Variants in FSTL4 observed in about 807,000 individuals in gnomAD.
FSTL4 encodes follistatin like 4, also known as follistatin-related protein 4.
FSTL4 carries 28 observed loss-of-function variants against 78.2 expected under a neutral mutation model. The ratio of observed to expected loss-of-function variants is 0.36; its 90% confidence interval spans 0.27 to 0.49. The LOEUF (loss-of-function observed/expected upper bound fraction) is 0.49. FSTL4 is among the 20% of genes least tolerant of loss of function. The pLI, the probability that FSTL4 is intolerant of heterozygous loss-of-function variation, is 0.98. For synonymous variants in FSTL4, 422 were observed against 440.5 expected (o/e 0.96, Z 0.53); for missense variants, 922 against 1,084.9 (o/e 0.85, Z 2.11).
At chr5:133,319,498 G>A (rs964994592) in intron 4 of FSTL4, among the ~76,000 whole-genome samples, 1 of 152,206 alleles carries the variant, frequency 6.6e-6, no homozygotes, top group African/African-American at 2.4e-5. Context: ...GGAAGAGCAG[G>A]CCAGGAGCAG....
At position 133,233,524 on chromosome 5, in the gene FSTL4, T is replaced by C. The variant is rs1751562097; in HGVS notation, c.908A>G (p.Asp303Gly). 6.2e-7 allele frequency: 1 copy of C among 1,613,850 alleles called. No individual in the cohort carries two copies. The highest frequency in any genetic ancestry group is 1.3e-5 in the African/African-American group (1 of 74,882). The change falls in exon 8 of 16, where the codon GAT (aspartate) becomes GGT (glycine). Residue 303 changes from aspartate (D) to glycine (G), a missense_variant. Physicochemically the swap from Asp to Gly is moderately conservative, Grantham distance 94. Transcript: ENST00000265342. The stretch of plus-strand genomic sequence containing the variant: ...CACCTTGGTGATGTACAGGGAATCA[T>C]CCTCTCCAAAGTCCTGCACAGGGCA... ...DLEDINDFGE[D>G]DSLYITKVTT...
intron 3 of FSTL4, among the ~76,000 whole-genome samples, chr5:133,528,616 A>T (rs1759185826): frequency 6.6e-6 from 1 of 151,898 alleles, no homozygotes; most frequent in African/African-American, 2.4e-5. Context: ...CTCCTCTGTG[A>T]ACACTTTTTG....
chr5:133,620,184 C>T, the FSTL4 span, among the ~76,000 whole-genome samples: 2 of 152,036 alleles, frequency 1.3e-5, no homozygotes, highest in Non-Finnish European at 2.9e-5. Flanking sequence ...AGAATTGGTG[C>T]CTAAAATTCT....
intron 6 of FSTL4, among the ~76,000 whole-genome samples, chr5:133,276,419 C>T (rs1345713596): frequency 2.0e-5 from 3 of 152,200 alleles, no homozygotes; most frequent in Non-Finnish European, 4.4e-5. Context: ...CCCTACATTC[C>T]TTTGTCTTGG....
intron 4 of FSTL4, among the ~76,000 whole-genome samples, chr5:133,362,216 C>G (rs1386188090): frequency 6.6e-6 from 1 of 152,162 alleles, no homozygotes; most frequent in Non-Finnish European, 1.5e-5. Flanking sequence ...ATTATGAATT[C>G]CACTGTGGTC....
chr5:133,766,550 G>A, the FSTL4 span, among the ~76,000 whole-genome samples: 1 of 152,208 alleles, frequency 6.6e-6, no homozygotes, highest in Non-Finnish European at 1.5e-5. Context: ...CTAGCTTGGA[G>A]GACAGTTCTG....
intron 2 of FSTL4, among the ~76,000 whole-genome samples, chr5:133,596,255 G>T (rs923366992): frequency 2.6e-5 from 4 of 152,204 alleles, no homozygotes; most frequent in African/African-American, 9.6e-5. Context: ...CCATGCTTCA[G>T]GGGCCCAGGC....
chr5:133,464,940 T>C (rs1757673344), intron 3 of FSTL4, among the ~76,000 whole-genome samples: 1 of 152,208 alleles, frequency 6.6e-6, no homozygotes, highest in Non-Finnish European at 1.5e-5. Context: ...AAGTCAGTGC[T>C]TGGCTTCCCC....
chr5:133,720,993 A>G, the FSTL4 span: 1 of 152,170 alleles, frequency 6.6e-6, no homozygotes, highest in Admixed American at 6.5e-5. Flanking sequence ...AGCAGTCACC[A>G]GTGCCCACTC....
chr5:133,247,738 C>T (rs1752085219), intron 7 of FSTL4: 1 of 152,232 alleles, frequency 6.6e-6, no homozygotes, highest in African/African-American at 2.4e-5. Context: ...CATTGACATT[C>T]AAAATTGTAT....
the FSTL4 span, among the ~76,000 whole-genome samples, chr5:133,667,626 C>G: frequency 2.0e-5 from 3 of 152,228 alleles, no homozygotes; most frequent in Non-Finnish European, 4.4e-5. Flanking sequence ...GAAGGCTCCT[C>G]TTCGGATATC....
chr5:133,665,120 G>A, the FSTL4 span, among the ~76,000 whole-genome samples: 1 of 152,064 alleles, frequency 6.6e-6, no homozygotes, highest in Admixed American at 6.5e-5. Context: ...TGCCTTCTTG[G>A]GCCCAAACCA....
At chr5:133,409,993 T>A (rs1222209662) in intron 3 of FSTL4, among the ~76,000 whole-genome samples, 1 of 152,240 alleles carries the variant, frequency 6.6e-6, no homozygotes, top group African/African-American at 2.4e-5. Context: ...ATTGAGGATG[T>A]ACATCAGAGC....
intron 14 of FSTL4, chr5:133,202,506 A>G (rs1293032417): frequency 6.5e-6 from 1 of 152,750 alleles, no homozygotes; most frequent in African/African-American, 2.4e-5. Flanking sequence ...AATCATGAAA[A>G]TGTCACGTGG....
intron 3 of FSTL4, among the ~76,000 whole-genome samples, chr5:133,441,087 G>A (rs771305140): frequency 6.6e-6 from 1 of 152,166 alleles, no homozygotes; most frequent in African/African-American, 2.4e-5. Context: ...ATCCTAGGAA[G>A]CACTGGTAGG....
intron 4 of FSTL4, among the ~76,000 whole-genome samples, chr5:133,382,783 A>T (rs960879444): frequency 5.3e-5 from 8 of 152,222 alleles, no homozygotes; most frequent in African/African-American, 1.9e-4. Context: ...GTTAACTGAG[A>T]AACACATTAT....
the FSTL4 span, among the ~76,000 whole-genome samples, chr5:133,796,674 C>T: frequency 6.6e-6 from 1 of 151,992 alleles, no homozygotes; most frequent in Non-Finnish European, 1.5e-5. Context: ...GTTCTGCCAT[C>T]TGTCTGTCTG....
the FSTL4 span, among the ~76,000 whole-genome samples, chr5:133,786,636 G>T: frequency 6.6e-6 from 1 of 152,328 alleles, no homozygotes; most frequent in Middle Eastern, 3.4e-3. Flanking sequence ...TGCAGGGAGG[G>T]GGAATTCCCA....
At chr5:133,734,795 A>C in the FSTL4 span, among the ~76,000 whole-genome samples, 1 of 152,126 alleles carries the variant, frequency 6.6e-6, no homozygotes, top group African/African-American at 2.4e-5. Flanking sequence ...CTCTTCAGCA[A>C]GTTATCCTTG....
Sources: allele counts gnomAD v4.1 joint callset (sites outside exome capture counted in the v4.1 genomes callset), GRCh38; gene constraint gnomAD v4.1.1; transcripts MANE v1.5; gene names NCBI Gene and HGNC (gene_info 2026-07-23, HGNC 2026-07-21).